The following UVRAG variants were observed in gnomAD, a reference collection of about 807,000 sequenced individuals.
UVRAG encodes UV radiation resistance associated.
Under a neutral mutation model 78.0 loss-of-function variants are expected in UVRAG, and 19 were observed. The ratio of observed to expected loss-of-function variants is 0.24; its 90% confidence interval spans 0.17 to 0.36. The LOEUF (loss-of-function observed/expected upper bound fraction) is 0.36. UVRAG is among the 10% of genes least tolerant of loss of function. The pLI is 1.00. For missense variants in UVRAG, 740 were observed against 853.8 expected, an observed-to-expected ratio of 0.87 and a Z score of 1.66; for synonymous variants, 323 against 324.6, an observed-to-expected ratio of 1.00 and a Z score of 0.05.
intron 12 of UVRAG, among the ~76,000 whole-genome samples, chr11:76,064,473 A>G (rs1204221931): frequency 6.6e-6 from 1 of 152,222 alleles, no homozygotes; most frequent in East Asian, 1.9e-4. Flanking sequence ...ATTTGAGGCC[A>G]AACCACATGT....
intron 1 of UVRAG, among the ~76,000 whole-genome samples, chr11:75,844,906 T>C (rs1022262249): frequency 1.3e-5 from 2 of 152,182 alleles, no homozygotes; most frequent in Admixed American, 1.3e-4. Flanking sequence ...GCTCAAGCGA[T>C]GTGCCCTCCT....
At chr11:75,832,583 G>A (rs1945682468) in intron 1 of UVRAG, among the ~76,000 whole-genome samples, 1 of 152,192 alleles carries the variant, frequency 6.6e-6, no homozygotes, top group Admixed American at 6.5e-5. Context: ...CACCATTTCA[G>A]AAGCTCTCCA....
chr11:75,880,016 T>A lies in UVRAG; in HGVS notation c.408T>A (p.Asp136Glu). The A allele has an allele frequency of 1.2e-6, 2 of 1,614,170 alleles. No individual in the cohort carries two copies. The highest frequency in any genetic ancestry group is 2.2e-5 in the South Asian group (2 of 91,086). The change falls in exon 4 of 15, where the codon GAT becomes GAA. Residue 136 changes from aspartate (D) to glutamate (E), a missense_variant. Transcript: ENST00000356136. ...TGATTGAATGGAAAGTCTGTTTGGA[T>A]GGGCTGAAATACTTGGGTCAGCAGG... is the stretch of plus-strand genomic sequence containing the variant. ...QLLIEWKVCL[D>E]GLKYLGQQIH...
At chr11:76,034,957 A>G (rs903855386) in intron 12 of UVRAG, among the ~76,000 whole-genome samples, 1 of 152,142 alleles carries the variant, frequency 6.6e-6, no homozygotes, top group African/African-American at 2.4e-5. Context: ...AGCAACGGAA[A>G]CTTTTTATTA....
chr11:76,094,866 G>C (rs1321723198), intron 13 of UVRAG, among the ~76,000 whole-genome samples: 1 of 151,988 alleles, frequency 6.6e-6, no homozygotes, highest in African/African-American at 2.4e-5. Flanking sequence ...TAATTTGGCT[G>C]GGCTCTTTCT....
chr11:75,912,781 TGAG>T (rs1392864516), intron 6 of UVRAG, among the ~76,000 whole-genome samples: 1 of 152,226 alleles, frequency 6.6e-6, no homozygotes, highest in Admixed American at 6.5e-5. Context: ...TATATGTACT[TGAG>T]GAAGAATCCA....
intron 13 of UVRAG, among the ~76,000 whole-genome samples, chr11:76,112,370 T>G (rs1238659182): frequency 6.6e-6 from 1 of 152,154 alleles, no homozygotes; most frequent in African/African-American, 2.4e-5. Context: ...AAGAATGGAA[T>G]AGTTATATTT....
At chr11:76,053,030 G>T (rs1441744888) in intron 12 of UVRAG, among the ~76,000 whole-genome samples, 1 of 150,572 alleles carries the variant, frequency 6.6e-6, no homozygotes, top group East Asian at 1.9e-4. Flanking sequence ...ATATAGCCAG[G>T]CACTGTGGCT....
At chr11:76,072,800 A>G (rs1331231665) in intron 13 of UVRAG, among the ~76,000 whole-genome samples, 1 of 152,352 alleles carries the variant, frequency 6.6e-6, no homozygotes, top group Non-Finnish European at 1.5e-5. Context: ...ATAGTTTCAC[A>G]TGAGTGTGCC....
chr11:76,058,373 C>T (rs913589373), intron 12 of UVRAG, among the ~76,000 whole-genome samples: 6 of 151,602 alleles, frequency 4.0e-5, no homozygotes, highest in Admixed American at 6.6e-5. Context: ...TCTATCCTCC[C>T]GTGCAAAAAG....
chr11:75,836,866 A>G (rs1945787265), intron 1 of UVRAG, among the ~76,000 whole-genome samples: 1 of 152,126 alleles, frequency 6.6e-6, no homozygotes, highest in African/African-American at 2.4e-5. Flanking sequence ...CTTCACTTCC[A>G]TTATTTCTTT....
In UVRAG at chr11:75,825,924, C is replaced by T. The variant is rs371122226; in HGVS notation, c.117+10400C>T. ...TGATCTCGGCTCACTGCAACCTCCACCTCCTGGGTTCAAGCGATTCTCCTG... is the reference window on the plus strand; with the variant it reads ...TGATCTCGGCTCACTGCAACCTCCATCTCCTGGGTTCAAGCGATTCTCCTG... On this transcript the variant is annotated intron_variant, in intron 1 of 14. Coordinates refer to ENST00000356136, the MANE Select transcript of UVRAG (RefSeq NM_003369.4). 4.7e-3 allele frequency among the ~76,000 whole-genome samples: 705 copies of T among 150,660 alleles called. 4 individuals are homozygous for T. Among genetic ancestry groups the T allele is most frequent in the African/African-American group, 0.016 (645 of 40,984 alleles).
chr11:76,141,231 G>A lies in UVRAG; in HGVS notation c.1918G>A (p.Ala640Thr), dbSNP rs140477390. The change falls in exon 15 of 15, where the codon GCC becomes ACC. Residue 640 changes from alanine (A) to threonine (T), a missense_variant. Physicochemically the swap from Ala to Thr is moderately conservative, Grantham distance 58. Coordinates refer to ENST00000356136, the MANE Select transcript of UVRAG (RefSeq NM_003369.4). ...EQAEEIIGLE[A>T]TGFASGDQLE... ...AGCAGAAGAAATCATCGGGCTGGAAGCCACAGGTTTCGCCTCAGGTGATCA... is the reference window on the plus strand; with the variant it reads ...AGCAGAAGAAATCATCGGGCTGGAAACCACAGGTTTCGCCTCAGGTGATCA... 67 of 1,614,190 alleles carry A rather than the reference G, an allele frequency of 4.2e-5. No individual in the cohort carries two copies. The African/African-American group carries it at 7.2e-4, about 17-fold the overall frequency.
At chr11:75,819,327 A>AT (rs538465594) in intron 1 of UVRAG, among the ~76,000 whole-genome samples, 464 of 151,814 alleles carry the variant, frequency 3.1e-3, no homozygotes, top group Non-Finnish European at 4.9e-3. Context: ...CTAGTGACAC[A>AT]TTTTTTTTAC....
At chr11:76,004,294 G>C (rs2135334991) in intron 9 of UVRAG, among the ~76,000 whole-genome samples, 1 of 152,296 alleles carries the variant, frequency 6.6e-6, no homozygotes, top group Non-Finnish European at 1.5e-5. Flanking sequence ...AAAGCTCCTA[G>C]TATGTAGTTA....
chr11:75,973,566 T>C (rs544243887), intron 7 of UVRAG, among the ~76,000 whole-genome samples: 4 of 152,000 alleles, frequency 2.6e-5, no homozygotes, highest in African/African-American at 9.7e-5. Flanking sequence ...AATTGTTTCT[T>C]TTTTTTTATA....
At chr11:76,019,115 A>G (rs574294981) in intron 12 of UVRAG, among the ~76,000 whole-genome samples, 18 of 152,300 alleles carry the variant, frequency 1.2e-4, no homozygotes, top group African/African-American at 4.1e-4. Flanking sequence ...CAATTCTGCT[A>G]TTAAGAGACT....
At chr11:75,944,111 T>C (rs1948539606) in intron 6 of UVRAG, among the ~76,000 whole-genome samples, 1 of 152,182 alleles carries the variant, frequency 6.6e-6, no homozygotes, top group African/African-American at 2.4e-5. Flanking sequence ...ACAACCCACT[T>C]TCTGTTCTGA....
At chr11:76,127,678 C>T (rs1019894225) in intron 14 of UVRAG, among the ~76,000 whole-genome samples, 2 of 151,374 alleles carry the variant, frequency 1.3e-5, no homozygotes, top group Non-Finnish European at 2.9e-5. Context: ...TCAATGAGGC[C>T]TGGCGTGGTA....
Sources: allele counts gnomAD v4.1 joint callset (sites outside exome capture counted in the v4.1 genomes callset), GRCh38; gene constraint gnomAD v4.1.1; transcripts MANE v1.5; gene names NCBI Gene and HGNC (gene_info 2026-07-23, HGNC 2026-07-21).